SSBP3: variants seen among roughly 807,000 people sequenced by gnomAD.
SSBP3 encodes the protein single-stranded DNA-binding protein 3.
SSBP3 carries 5 observed loss-of-function variants against 69.6 expected under a neutral mutation model. That is an observed-to-expected ratio of 0.07 (90% CI 0.04 to 0.15). The LOEUF (loss-of-function observed/expected upper bound fraction) is 0.15. SSBP3 is among the 10% of genes least tolerant of loss of function. The pLI, the probability that SSBP3 is intolerant of heterozygous loss-of-function variation, is 1.00. For missense variants in SSBP3, 312 were observed against 534.0 expected, an observed-to-expected ratio of 0.58 and a Z score of 4.10; for synonymous variants, 196 against 193.4, an observed-to-expected ratio of 1.01 and a Z score of -0.11.
intron 4 of SSBP3, among the ~76,000 whole-genome samples, chr1:54,391,206 C>A (rs1648468903): frequency 1.3e-5 from 2 of 152,206 alleles, no homozygotes; most frequent in African/African-American, 2.4e-5. Flanking sequence ...AAGGGGACCA[C>A]AACTCACAAA....
chr1:54,413,303 A>G (rs1446492515), intron 1 of SSBP3: 1 of 152,214 alleles, frequency 6.6e-6, no homozygotes, highest in African/African-American at 2.4e-5. Flanking sequence ...TACCTAACAC[A>G]CAGCCCCCAA....
At chr1:54,397,816 C>T (rs1395195731) in intron 4 of SSBP3, among the ~76,000 whole-genome samples, 2 of 152,168 alleles carry the variant, frequency 1.3e-5, no homozygotes, top group Non-Finnish European at 2.9e-5. Flanking sequence ...AAATACTGTC[C>T]ATAGCTTTTA....
intron 4 of SSBP3, among the ~76,000 whole-genome samples, chr1:54,345,842 C>T (rs1646680145): frequency 6.6e-6 from 1 of 151,774 alleles, no homozygotes; most frequent in African/African-American, 2.4e-5. Flanking sequence ...CCTGTCTCTA[C>T]CAAAATACAA....
At chr1:54,404,443 C>T in intron 3 of SSBP3, 133 bp downstream of exon 3, 5 of 1,062,682 alleles carry the variant, frequency 4.7e-6, no homozygotes, top group South Asian at 1.4e-5. Context: ...CGGAGTGCCT[C>T]GAGGTGCCCC....
exon 1 of SSBP3, chr1:54,406,040 C>CGCCGCA: frequency 7.7e-7 from 1 of 1,296,144 alleles, no homozygotes; most frequent in Non-Finnish European, 1.0e-6. Context: ...CGAGCCTCGC[C>CGCCGCA]GCCGCCGCCG....
intron 4 of SSBP3, among the ~76,000 whole-genome samples, chr1:54,396,209 AAAAAAAAAAAC>A (rs1488645571): frequency 2.7e-5 from 4 of 150,208 alleles, no homozygotes; most frequent in Non-Finnish European, 5.9e-5. Context: ...AAAAAAAAAA[AAAAAAAAAAAC>A]AACCCCATTA....
chr1:54,299,372 G>C (rs550251613), intron 4 of SSBP3, among the ~76,000 whole-genome samples: 1 of 152,140 alleles, frequency 6.6e-6, no homozygotes, highest in Non-Finnish European at 1.5e-5. Context: ...GCACTGGTCC[G>C]ATGTTCCCCT....
At chr1:54,262,788 G>A (rs1645038287) in intron 5 of SSBP3, among the ~76,000 whole-genome samples, 1 of 152,178 alleles carries the variant, frequency 6.6e-6, no homozygotes, top group South Asian at 2.1e-4. Flanking sequence ...CCACTGCACT[G>A]CACTGCCTCT....
intron 4 of SSBP3, among the ~76,000 whole-genome samples, chr1:54,295,337 C>A (rs1645686236): frequency 6.6e-6 from 1 of 152,220 alleles, no homozygotes; most frequent in Non-Finnish European, 1.5e-5. Flanking sequence ...CTAGAGAACT[C>A]CCAGTTATCC....
chr1:54,322,395 A>G (rs1646229204), intron 4 of SSBP3, among the ~76,000 whole-genome samples: 1 of 152,058 alleles, frequency 6.6e-6, no homozygotes, highest in South Asian at 2.1e-4. Context: ...AGCACAGACA[A>G]TGGCTAGCCT....
chr1:54,240,085 TGTGCGCGCGCGCGCGTGTGCGTGC>T (rs1356118918), intron 13 of SSBP3, among the ~76,000 whole-genome samples: 122 of 38,558 alleles, frequency 3.2e-3, no homozygotes, highest in Admixed American at 8.2e-3. Flanking sequence ...TGTGTGTGTG[TGTGCGCGCGCGCGCGTGTGCGTGC>T]GCGCGCGCGC....
chr1:54,293,190 C>T (rs1433125064), intron 4 of SSBP3, among the ~76,000 whole-genome samples: 1 of 152,130 alleles, frequency 6.6e-6, no homozygotes, highest in Non-Finnish European at 1.5e-5. Context: ...CTACCAGGTG[C>T]ACACAGCAGG....
At chr1:54,256,165 C>A (rs1039433448) in intron 7 of SSBP3, among the ~76,000 whole-genome samples, 7 of 151,762 alleles carry the variant, frequency 4.6e-5, no homozygotes, top group Non-Finnish European at 1.0e-4. Context: ...TCTTGCAGAG[C>A]CCTGAGAATG....
At chr1:54,311,127 G>A (rs766454371) in intron 4 of SSBP3, among the ~76,000 whole-genome samples, 3 of 152,200 alleles carry the variant, frequency 2.0e-5, no homozygotes, top group South Asian at 4.1e-4. Context: ...GGAAAACAAG[G>A]TGGGGGACAC....
chr1:54,366,453 A>G (rs960833253), intron 4 of SSBP3, among the ~76,000 whole-genome samples: 20 of 152,234 alleles, frequency 1.3e-4, no homozygotes, highest in African/African-American at 4.6e-4. Flanking sequence ...CAACTTACCC[A>G]AAGTTACAGA....
chr1:54,353,090 C>G (rs1185751193), intron 4 of SSBP3, among the ~76,000 whole-genome samples: 1 of 152,210 alleles, frequency 6.6e-6, no homozygotes, highest in East Asian at 1.9e-4. Flanking sequence ...CTCGCCTGCA[C>G]GGGGGCTCCA....
intron 4 of SSBP3, among the ~76,000 whole-genome samples, chr1:54,401,429 G>C (rs1649291240): frequency 6.6e-6 from 1 of 151,864 alleles, no homozygotes; most frequent in South Asian, 2.1e-4. Flanking sequence ...TCGCTCTCTG[G>C]AAAGTAGAGC....
intron 14 of SSBP3, among the ~76,000 whole-genome samples, chr1:54,230,039 T>A (rs1009154874): frequency 2.0e-5 from 3 of 152,096 alleles, no homozygotes; most frequent in African/African-American, 7.2e-5. Flanking sequence ...CGGAAATCAC[T>A]CTAAGGCAGG....
intron 4 of SSBP3, among the ~76,000 whole-genome samples, chr1:54,398,725 G>A (rs427901): frequency 1.3e-5 from 2 of 152,104 alleles, no homozygotes; most frequent in East Asian, 1.9e-4. Flanking sequence ...CCCTCCTCCC[G>A]TGACCCTCCT....
Sources: allele counts gnomAD v4.1 joint callset (sites outside exome capture counted in the v4.1 genomes callset), GRCh38; gene constraint gnomAD v4.1.1; transcripts MANE v1.5; gene names NCBI Gene and HGNC (gene_info 2026-07-23, HGNC 2026-07-21).